The following PCED1B variants were observed in gnomAD, a reference collection of about 807,000 sequenced individuals.
PCED1B encodes PC-esterase domain-containing protein 1B.
For missense variants in PCED1B, 573 were observed against 573.9 expected, an observed-to-expected ratio of 1.00 and a Z score of 0.02; for synonymous variants, 251 against 246.1, an observed-to-expected ratio of 1.02 and a Z score of -0.19.
chr12:47,106,376 G>A (rs775635179), intron 2 of PCED1B, among the ~76,000 whole-genome samples: 81 of 151,918 alleles, frequency 5.3e-4, no homozygotes, highest in Non-Finnish European at 1.0e-3. Context: ...TAACCTTGAG[G>A]TAATCTTTGT....
At chr12:47,090,114 T>C (rs1361454852) in intron 1 of PCED1B, among the ~76,000 whole-genome samples, 1 of 152,248 alleles carries the variant, frequency 6.6e-6, no homozygotes, top group Admixed American at 6.5e-5. Flanking sequence ...CTCATGATTC[T>C]GCTCAAATCA....
intron 2 of PCED1B, among the ~76,000 whole-genome samples, chr12:47,111,973 T>C (rs1939216405): frequency 6.6e-6 from 1 of 152,164 alleles, no homozygotes; most frequent in South Asian, 2.1e-4. Context: ...CATAAGCTGT[T>C]GGTGGGGGTC....
chr12:47,142,050 A>G (rs543181723), intron 2 of PCED1B, among the ~76,000 whole-genome samples: 1 of 152,264 alleles, frequency 6.6e-6, no homozygotes, highest in Admixed American at 6.5e-5. Flanking sequence ...AACTACACCC[A>G]TCCATGCATC....
chr12:47,093,683 T>C lies in PCED1B; in HGVS notation c.-608-10430T>C, dbSNP rs1389218503. ...AGAACTAATTTCTGTTTTTTTTCTT[T>C]ATCCCATGGATTATTTAGAGTATAT... On this transcript the variant is annotated intron_variant, in intron 1 of 3. Transcript: ENST00000546455. Among the ~76,000 whole-genome samples the C allele has an allele frequency of 3.9e-5, 6 of 152,176 alleles. No homozygotes were observed. The East Asian group carries it at 1.2e-3, about 29-fold the overall frequency.
intron 2 of PCED1B, among the ~76,000 whole-genome samples, chr12:47,180,940 G>A (rs977590787): frequency 6.6e-5 from 10 of 151,734 alleles, no homozygotes; most frequent in African/African-American, 1.5e-4. Context: ...GTATGTAGTG[G>A]TTCCAGGGAG....
At chr12:47,161,838 C>T (rs1172279675) in intron 2 of PCED1B, among the ~76,000 whole-genome samples, 1 of 152,120 alleles carries the variant, frequency 6.6e-6, no homozygotes, top group Non-Finnish European at 1.5e-5. Flanking sequence ...GCACTATTCA[C>T]AATAGCAAAG....
At position 47,236,256 on chromosome 12, in the gene PCED1B, G is replaced by T. The variant is rs201223112; in HGVS notation, c.1193G>T (p.Arg398Met). 5.6e-5 allele frequency: 91 copies of T among 1,614,028 alleles called. No homozygotes were observed. The highest frequency in any genetic ancestry group is 6.8e-5 in the Non-Finnish European group (80 of 1,180,038). ...RYQRPAPVVH[R>M]GFGRYRPRGP... ...CAGCGGCCTGCCCCAGTGGTACATA[G>T]GGGTTTTGGCAGGTATCGTCCCCGT... The change falls in exon 4 of 4, where the codon AGG (arginine) becomes ATG (methionine). Residue 398 changes from arginine (R) to methionine (M), a missense_variant. Arg to Met is a moderately conservative substitution (Grantham distance 91). Transcript: ENST00000546455.
chr12:47,119,195 A>G (rs1054967407), intron 2 of PCED1B, among the ~76,000 whole-genome samples: 1 of 152,198 alleles, frequency 6.6e-6, no homozygotes, highest in Non-Finnish European at 1.5e-5. Flanking sequence ...GCAAAAGAAT[A>G]AAATAAATAA....
At chr12:47,175,444 G>A (rs1371831697) in intron 2 of PCED1B, among the ~76,000 whole-genome samples, 2 of 151,916 alleles carry the variant, frequency 1.3e-5, no homozygotes, top group South Asian at 4.1e-4. Context: ...ATTTTATTTG[G>A]TTGTTATCTA....
chr12:47,227,685 C>T (rs1045551390), intron 3 of PCED1B, among the ~76,000 whole-genome samples: 1 of 151,894 alleles, frequency 6.6e-6, no homozygotes, highest in African/African-American at 2.4e-5. Context: ...GAAACCCCGT[C>T]TCTACTAAAA....
At chr12:47,231,116 A>G (rs1943792771) in intron 3 of PCED1B, among the ~76,000 whole-genome samples, 1 of 152,176 alleles carries the variant, frequency 6.6e-6, no homozygotes, top group African/African-American at 2.4e-5. Context: ...AGAGGGGCCG[A>G]TGGATATCCT....
At chr12:47,173,373 C>T (rs1013629135) in intron 2 of PCED1B, among the ~76,000 whole-genome samples, 4 of 152,190 alleles carry the variant, frequency 2.6e-5, no homozygotes, top group South Asian at 2.1e-4. Flanking sequence ...CCTGCCTCAG[C>T]CTCTCGAGTA....
chr12:47,114,091 A>T (rs935606273), intron 2 of PCED1B, among the ~76,000 whole-genome samples: 73 of 152,316 alleles, frequency 4.8e-4, no homozygotes, highest in African/African-American at 1.6e-3. Context: ...AATTGACTAC[A>T]GATTTACTGG....
chr12:47,109,510 G>A (rs1357985619), intron 2 of PCED1B, among the ~76,000 whole-genome samples: 1 of 152,066 alleles, frequency 6.6e-6, no homozygotes, highest in Non-Finnish European at 1.5e-5. Context: ...GAGGAGATTT[G>A]ACATTTTAGG....
In PCED1B at chr12:47,222,133, A is replaced by G. The variant is rs1172874665; in HGVS notation, c.-58+5444A>G. On this transcript the variant is annotated intron_variant, in intron 3 of 3. Transcript: ENST00000546455. ...AAAAAAATTAAAAAAAAAAAAAAAA[A>G]AAACGCCCGGGCGTGGTGGCTCACG... Among the ~76,000 whole-genome samples, 3 of 121,016 alleles carry G rather than the reference A, an allele frequency of 2.5e-5. No individual in the cohort carries two copies. The East Asian group carries it at 7.1e-4, about 28-fold the overall frequency. 79.4% of individuals were successfully genotyped at this position (121,016 alleles called of 152,430 possible). A position where few individuals can be genotyped will look rare whatever the true frequency, so the allele number is the denominator to read the frequency against.
At chr12:47,088,033 A>G (rs1235126560) in intron 1 of PCED1B, among the ~76,000 whole-genome samples, 1 of 152,156 alleles carries the variant, frequency 6.6e-6, no homozygotes, top group Admixed American at 6.5e-5. Flanking sequence ...AAATGACTCA[A>G]CCTTTTGGAT....
chr12:47,136,175 CA>C (rs1940365752), intron 2 of PCED1B, among the ~76,000 whole-genome samples: 1 of 148,688 alleles, frequency 6.7e-6, no homozygotes, highest in Non-Finnish European at 1.5e-5. Flanking sequence ...ACTTCTTGCC[CA>C]TTTGTACTTT....
At chr12:47,165,727 G>T (rs1941523676) in intron 2 of PCED1B, among the ~76,000 whole-genome samples, 1 of 152,108 alleles carries the variant, frequency 6.6e-6, no homozygotes, top group Non-Finnish European at 1.5e-5. Flanking sequence ...CCAAATAGTG[G>T]ATTTAAGGCT....
rs1287949117 is a variant in PCED1B, at chr12:47,235,498, C to T, written c.435C>T (p.Asn145=). The T allele has an allele frequency of 5.6e-6, 9 of 1,613,216 alleles. No individual in the cohort carries two copies. The Admixed American group carries it at 1.5e-4, about 27-fold the overall frequency. ...GAAGCTACCTGGAGAACCTGGAGAA[C>T]CTGTTCCAGTGCCTGGGCCAGGTGC... ...SWRSYLENLE[N]LFQCLGQVLP... Residue 145 remains asparagine (N), a synonymous_variant, in exon 4 of 4, where the codon AAC becomes AAT. Transcript: ENST00000546455.
Sources: allele counts gnomAD v4.1 joint callset (sites outside exome capture counted in the v4.1 genomes callset), GRCh38; gene constraint gnomAD v4.1.1; transcripts MANE v1.5; gene names NCBI Gene and HGNC (gene_info 2026-07-23, HGNC 2026-07-21).